PTDSS2: variants seen among roughly 807,000 people sequenced by gnomAD.
PTDSS2 encodes PSS-2.
In PTDSS2, 41 loss-of-function variants were observed where a neutral mutation model predicts 64.7. The ratio of observed to expected loss-of-function variants is 0.63; its 90% CI spans 0.49 to 0.82. The LOEUF is 0.82. PTDSS2 is among the 40% of genes least tolerant of loss of function. The pLI, the probability that PTDSS2 is intolerant of heterozygous loss-of-function variation, is 0.00. For synonymous variants in PTDSS2, 297 were observed against 277.8 expected, an observed-to-expected ratio of 1.07 and a Z score of -0.69; for missense variants, 485 against 650.0, an observed-to-expected ratio of 0.75 and a Z score of 2.76.
chr11:487,493 C>A, intron 6 of PTDSS2, 23 bp downstream of exon 6: 2 of 1,611,142 alleles, frequency 1.2e-6, no homozygotes, highest in Non-Finnish European at 1.7e-6. Context: ...CTCTTCCCGG[C>A]CTCCCCGCCC....
At position 474,682 on chromosome 11, in the gene PTDSS2, C is replaced by T. The variant is rs188235927; in HGVS notation, c.367+705C>T. 1.9e-3 allele frequency among the ~76,000 whole-genome samples: 294 copies of T among 152,326 alleles called. 1 individual carries two copies. The highest frequency in any genetic ancestry group is 6.8e-3 in the African/African-American group (284 of 41,578). ...AGGCGGGCTCAGGCTTCTGTAGGGT[C>T]GGTTGTTTCCCCTGAGTGGCCACAC... On this transcript the variant is annotated intron_variant, in intron 3 of 11. Transcript: ENST00000308020.
chr11:479,418 T>C lies in PTDSS2; in HGVS notation c.435+266T>C. Reference sequence around the variant, plus strand: ...GCATCTGCTGGTGGGGCGCTGACTGTGGCCATTTAGCAGGGCCACACTTAA... The same window carrying C: ...GCATCTGCTGGTGGGGCGCTGACTGCGGCCATTTAGCAGGGCCACACTTAA... On this transcript the variant is annotated intron_variant, in intron 4 of 11. Transcript: ENST00000308020. This position sits in a 1 kb window ranked among gnomAD's most constrained non-coding sequence, Gnocchi z 4.2. 5.4e-6 allele frequency: 3 copies of C among 556,144 alleles called. No homozygotes were observed. Among genetic ancestry groups the C allele is most frequent in the South Asian group, 4.0e-5 (2 of 49,512 alleles). 34.5% of individuals were successfully genotyped at this position (556,144 alleles called of 1,614,324 possible). A position where few individuals can be genotyped will look rare whatever the true frequency, so the allele number is the denominator to read the frequency against.
In PTDSS2 at chr11:490,665, T is replaced by G. The variant is rs893899714; in HGVS notation, c.*83T>G. On this transcript the variant is annotated 3_prime_UTR_variant, in exon 12 of 12. Transcript: ENST00000308020. ...TGTGTGAGTCCCACCAGGAGCCACG[T>G]GCCCGGCCTTGCCCTCAAGGTTTTT... 1.5e-6 allele frequency: 2 copies of G among 1,368,084 alleles called. No individual in the cohort carries two copies. The highest frequency in any genetic ancestry group is 5.2e-5 in the Admixed American group (2 of 38,356). 84.7% of individuals were successfully genotyped at this position (1,368,084 alleles called of 1,614,324 possible).
At chr11:483,762 C>CT (rs1389888953) in intron 4 of PTDSS2, among the ~76,000 whole-genome samples, 2 of 152,136 alleles carry the variant, frequency 1.3e-5, no homozygotes, top group Non-Finnish European at 2.9e-5. Flanking sequence ...AGGTACTGTC[C>CT]TTTAATTTTC....
At chr11:457,783 G>C (rs1423870547) in intron 1 of PTDSS2, among the ~76,000 whole-genome samples, 1 of 152,172 alleles carries the variant, frequency 6.6e-6, no homozygotes, top group African/African-American at 2.4e-5. Context: ...GTTTTCATCT[G>C]TCTCAGGCCC....
At chr11:490,134 C>G in intron 11 of PTDSS2, 66 bp downstream of exon 11, 3 of 1,494,438 alleles carry the variant, frequency 2.0e-6, no homozygotes, top group Non-Finnish European at 2.7e-6. Context: ...GGCACAGGCA[C>G]TGTGGGAGTT....
At chr11:467,496 G>T (rs554726571) in intron 2 of PTDSS2, among the ~76,000 whole-genome samples, 1 of 152,196 alleles carries the variant, frequency 6.6e-6, no homozygotes, top group Non-Finnish European at 1.5e-5. Context: ...GGTGGTTCAC[G>T]CCTGTCATCC....
chr11:460,362 C>A lies in PTDSS2; in HGVS notation c.284+74C>A. On this transcript the variant is annotated intron_variant, in intron 2 of 11. Coordinates refer to ENST00000308020, the MANE Select transcript of PTDSS2 (RefSeq NM_030783.3). This position sits in a 1 kb window ranked among gnomAD's most constrained non-coding sequence, Gnocchi z 5.8. ...TGGTGGGTGTGGCACCCTTACTGCT[C>A]GGGCTGCCGGGGGCTCAGAAGGCCT... is the stretch of plus-strand genomic sequence containing the variant. The A allele has an allele frequency of 1.6e-6, 2 of 1,271,792 alleles. No individual in the cohort carries two copies. Among genetic ancestry groups the A allele is most frequent in the South Asian group, 1.2e-5 (1 of 81,106 alleles). 78.8% of individuals were successfully genotyped at this position (1,271,792 alleles called of 1,614,324 possible).
intron 1 of PTDSS2, among the ~76,000 whole-genome samples, chr11:457,351 T>C (rs546242743): frequency 6.6e-6 from 1 of 152,396 alleles, no homozygotes; most frequent in East Asian, 1.9e-4. Context: ...GGATGCAAAC[T>C]CATTTCCTTG....
Position 461,233 on chromosome 11 carries a change from G to T in PTDSS2, c.284+945G>T, listed in dbSNP as rs903411713. Among the ~76,000 whole-genome samples the T allele has an allele frequency of 6.6e-6, 1 of 152,242 alleles. No individual in the cohort carries two copies. Among genetic ancestry groups the T allele is most frequent in the African/African-American group, 2.4e-5 (1 of 41,468 alleles). ...CTCGCTATCTTCGTGACTGTTGGGT[G>T]GGGTGATGGGTGGGCATGGTGTGAA... On this transcript the variant is annotated intron_variant, in intron 2 of 11. Coordinates refer to ENST00000308020, the MANE Select transcript of PTDSS2 (RefSeq NM_030783.3). The surrounding 1 kb of genome is among the most constrained non-coding windows in gnomAD (Gnocchi z 4.2).
At position 450,307 on chromosome 11, in the gene PTDSS2, G is replaced by C. The variant is rs1000152383; in HGVS notation, c.-149G>C. On this transcript the variant is annotated 5_prime_UTR_variant, in exon 1 of 12. Transcript: ENST00000308020. ...ATGCACCGCACACCCTTTACTGGCC[G>C]GCCCCGCGCTGCTCTCCTAAGACCC... 3.5e-6 allele frequency: 2 copies of C among 568,248 alleles called. No homozygotes were observed. Among genetic ancestry groups the C allele is most frequent in the Non-Finnish European group, 5.2e-6 (2 of 388,150 alleles). The allele number at this position is 568,248 out of a possible 1,614,324, so 35.2% of individuals were successfully genotyped here.
At chr11:449,348 G>A (rs1373608789), upstream of PTDSS2, among the ~76,000 whole-genome samples, 2 of 152,212 alleles carry the variant, frequency 1.3e-5, no homozygotes, top group African/African-American at 4.8e-5. Context: ...GATGACAGGC[G>A]TGCGCCGCCG....
rs1004479388 is a variant in PTDSS2, at chr11:472,446, C to A, written c.285-1449C>A. Among the ~76,000 whole-genome samples the A allele has an allele frequency of 2.6e-5, 4 of 152,280 alleles. No homozygotes were observed. In the East Asian group the frequency reaches 7.7e-4, roughly 29 times the overall value. ...TGCCTCTGTCCCTGGAGGCTGACAG[C>A]GGTAGTGTGGGAGCTGGGGCCTGGG... On this transcript the variant is annotated intron_variant, in intron 2 of 11. Coordinates refer to ENST00000308020, the MANE Select transcript of PTDSS2 (RefSeq NM_030783.3).
At chr11:459,788 C>T (rs1352420731) in intron 1 of PTDSS2, 2 of 204,240 alleles carry the variant, frequency 9.8e-6, no homozygotes, top group Non-Finnish European at 2.0e-5. Flanking sequence ...TGCACTGAAT[C>T]TCAGATGTTA....
chr11:490,468 CAA>C lies in PTDSS2; in HGVS notation c.1351_1352del (p.Lys451GlyfsTer2). 1 of 1,613,186 alleles carries C rather than the reference CAA, an allele frequency of 6.2e-7. No individual in the cohort carries two copies. ...AGACCCGGTGGCAGAAGTGGCAGAA[CAA>C]GGATGACCAGGGCAGCACCGTCGGC... ...KETRWQKWQNKDDQGSTVGNG... is the reference protein window; with the variant it reads ...KETRWQKWQNXDDQGSTVGNG... On this transcript the variant is annotated frameshift_variant, in exon 12 of 12. Coordinates refer to ENST00000308020, the MANE Select transcript of PTDSS2 (RefSeq NM_030783.3). LOFTEE classifies it low-confidence loss of function (END_TRUNC).
chr11:449,137 G>A (rs181167770), upstream of PTDSS2, among the ~76,000 whole-genome samples: 10 of 143,660 alleles, frequency 7.0e-5, no homozygotes, highest in East Asian at 2.1e-3. Flanking sequence ...GCACAATCTC[G>A]GCTCACTGCA....
intron 4 of PTDSS2, among the ~76,000 whole-genome samples, chr11:480,810 C>T (rs537548025): frequency 4.6e-5 from 7 of 152,208 alleles, no homozygotes; most frequent in African/African-American, 1.2e-4. Context: ...TGACAGGGCA[C>T]GGTGGCTCAT....
intron 4 of PTDSS2, among the ~76,000 whole-genome samples, chr11:484,856 CGT>C (rs1218402276): frequency 8.7e-6 from 1 of 115,006 alleles, no homozygotes; most frequent in Non-Finnish European, 1.7e-5. Context: ...TGCACGGGTG[CGT>C]GTGCTCACTG....
chr11:453,097 G>A (rs1846416371), intron 1 of PTDSS2, among the ~76,000 whole-genome samples: 1 of 152,080 alleles, frequency 6.6e-6, no homozygotes, highest in Non-Finnish European at 1.5e-5. Flanking sequence ...TGTGAATTTT[G>A]TTTCTCTGTG....
Sources: gnomAD v4.1 joint callset for allele counts (sites outside exome capture counted in the v4.1 genomes callset) on GRCh38, gnomAD v4.1.1 for gene constraint, Gnocchi (gnomAD v3.1) non-coding constraint, MANE v1.5 for transcripts, NCBI Gene and HGNC (gene_info 2026-07-23, HGNC 2026-07-21) for gene names.